The following SGCZ variants were observed in gnomAD, a reference collection of about 807,000 sequenced individuals.
The protein encoded by SGCZ is sarcoglycan zeta, also known as zeta-sarcoglycan.
Under a neutral mutation model 41.3 loss-of-function variants are expected in SGCZ, and 40 were observed. The ratio of observed to expected loss-of-function variants is 0.97; its 90% confidence interval spans 0.75 to 1.26. The LOEUF (loss-of-function observed/expected upper bound fraction) is 1.26, where lower values mean the gene tolerates loss of function less well. Among genes scored for constraint, SGCZ ranks in the 50% most tolerant of loss-of-function variants. The pLI is 0.00. For missense variants in SGCZ, 552 were observed against 369.8 expected, an observed-to-expected ratio of 1.49 and a Z score of -4.04; for synonymous variants, 206 against 137.5, an observed-to-expected ratio of 1.50 and a Z score of -3.49.
intron 2 of SGCZ, among the ~76,000 whole-genome samples, chr8:14,436,009 G>A (rs1427537857): frequency 2.0e-5 from 3 of 152,232 alleles, no homozygotes; most frequent in Admixed American, 6.5e-5. Flanking sequence ...CATAAAGGAA[G>A]TAGGATTACT....
intron 2 of SGCZ, among the ~76,000 whole-genome samples, chr8:14,375,916 T>C (rs956978815): frequency 6.6e-6 from 1 of 152,198 alleles, no homozygotes; most frequent in Non-Finnish European, 1.5e-5. Flanking sequence ...AATTATCATA[T>C]CAAAATGCTG....
At chr8:14,865,190 ACAC>A (rs1803885081) in intron 1 of SGCZ, among the ~76,000 whole-genome samples, 1 of 151,970 alleles carries the variant, frequency 6.6e-6, no homozygotes, top group African/African-American at 2.4e-5. Flanking sequence ...ACTCCCAGCT[ACAC>A]CACCACCACT....
At chr8:14,985,700 G>C (rs1233677481) in intron 1 of SGCZ, among the ~76,000 whole-genome samples, 1 of 152,196 alleles carries the variant, frequency 6.6e-6, no homozygotes, top group Non-Finnish European at 1.5e-5. Context: ...CATCACAGTA[G>C]TCCATTTAGG....
chr8:14,093,860 T>C (rs1801762372), intron 7 of SGCZ, among the ~76,000 whole-genome samples: 2 of 152,130 alleles, frequency 1.3e-5, no homozygotes, highest in South Asian at 4.1e-4. Flanking sequence ...TATACTTTTC[T>C]CTATAGTAAA....
intron 1 of SGCZ, among the ~76,000 whole-genome samples, chr8:14,759,390 C>A (rs186032191): frequency 6.6e-6 from 1 of 152,016 alleles, no homozygotes; most frequent in African/African-American, 2.4e-5. Flanking sequence ...TTTTCTCAAA[C>A]TTTAATTCTT....
intron 2 of SGCZ, among the ~76,000 whole-genome samples, chr8:14,413,165 T>A (rs79682707): frequency 0.013 from 1,994 of 152,072 alleles, 45 homozygotes; most frequent in African/African-American, 0.044. Context: ...TAGCGTGAGA[T>A]AGTAACACCA....
chr8:14,111,248 A>G (rs1802361908), intron 5 of SGCZ, among the ~76,000 whole-genome samples: 1 of 152,194 alleles, frequency 6.6e-6, no homozygotes, highest in Non-Finnish European at 1.5e-5. Context: ...TACAGGGGAT[A>G]TACTTATACT....
At chr8:14,156,236 G>A (rs1171636741) in intron 5 of SGCZ, among the ~76,000 whole-genome samples, 4 of 152,096 alleles carry the variant, frequency 2.6e-5, no homozygotes, top group Non-Finnish European at 2.9e-5. Context: ...TTGGGAGGCC[G>A]ATCACTAGGT....
At chr8:14,647,165 G>A (rs754645807) in intron 1 of SGCZ, among the ~76,000 whole-genome samples, 2 of 151,988 alleles carry the variant, frequency 1.3e-5, no homozygotes, top group Non-Finnish European at 2.9e-5. Context: ...AAGAGAAAAT[G>A]TTTTAGTACA....
Position 15,216,861 on chromosome 8 carries a change from T to C in SGCZ, c.39+20724A>G, listed in dbSNP as rs577002279. 2.0e-5 allele frequency among the ~76,000 whole-genome samples: 3 copies of C among 152,236 alleles called. No homozygotes were observed. In the East Asian group the frequency reaches 5.8e-4, roughly 30 times the overall value. On this transcript the variant is annotated intron_variant, in intron 1 of 7. Coordinates refer to ENST00000382080, the MANE Select transcript of SGCZ (RefSeq NM_139167.4). The stretch of plus-strand genomic sequence containing the variant: ...ACTCTTCACTTCTTGAGCTATTTCC[T>C]TTTATCCCAGGCCACAAAAGAGTTA...
intron 1 of SGCZ, among the ~76,000 whole-genome samples, chr8:14,893,847 G>T (rs2130747050): frequency 6.6e-6 from 1 of 152,182 alleles, no homozygotes; most frequent in East Asian, 1.9e-4. Context: ...AAGACATTAG[G>T]ATTTTTCTAA....
At chr8:14,099,424 A>T (rs1171393511) in intron 7 of SGCZ, among the ~76,000 whole-genome samples, 1 of 152,152 alleles carries the variant, frequency 6.6e-6, no homozygotes, top group Admixed American at 6.6e-5. Flanking sequence ...CCCGGGACTC[A>T]CAAAACAAAA....
At chr8:15,166,074 A>G (rs916289053) in intron 1 of SGCZ, among the ~76,000 whole-genome samples, 1 of 152,298 alleles carries the variant, frequency 6.6e-6, no homozygotes, top group East Asian at 1.9e-4. Context: ...CGAACATTTA[A>G]TAGCCTTCCC....
chr8:14,382,688 G>A (rs1585431550), intron 2 of SGCZ, among the ~76,000 whole-genome samples: 1 of 152,278 alleles, frequency 6.6e-6, no homozygotes, highest in East Asian at 1.9e-4. Flanking sequence ...AGAACATCAA[G>A]ATTAACAAAT....
intron 3 of SGCZ, among the ~76,000 whole-genome samples, chr8:14,305,265 C>T (rs973565120): frequency 6.6e-6 from 1 of 152,110 alleles, no homozygotes; most frequent in South Asian, 2.1e-4. Flanking sequence ...CAATGGTTAG[C>T]ATGACAGATG....
At chr8:14,766,724 G>C (rs1480660513) in intron 1 of SGCZ, among the ~76,000 whole-genome samples, 1 of 122,960 alleles carries the variant, frequency 8.1e-6, no homozygotes, top group East Asian at 2.4e-4. Context: ...ACCATGTCCA[G>C]CTATTTTTTT....
At chr8:14,408,966 T>TGTGTGTGTGTGTGCGTGTGC (rs1395616202) in intron 2 of SGCZ, among the ~76,000 whole-genome samples, 7 of 136,772 alleles carry the variant, frequency 5.1e-5, no homozygotes, top group Admixed American at 7.1e-5. Context: ...TGTGTGTGTG[T>TGTGTGTGTGTGTGCGTGTGC]GTGTGCATGT....
chr8:14,379,362 G>C (rs553493003), intron 2 of SGCZ, among the ~76,000 whole-genome samples: 3 of 152,074 alleles, frequency 2.0e-5, no homozygotes, highest in Non-Finnish European at 1.5e-5. Context: ...TATAATGATA[G>C]AGAAAACCCC....
intron 1 of SGCZ, among the ~76,000 whole-genome samples, chr8:14,825,685 C>G (rs913883931): frequency 6.6e-6 from 1 of 152,100 alleles, no homozygotes; most frequent in Non-Finnish European, 1.5e-5. Context: ...AACACTGAAC[C>G]CTTGAACAAC....
Sources: allele counts gnomAD v4.1 joint callset (sites outside exome capture counted in the v4.1 genomes callset), GRCh38; gene constraint gnomAD v4.1.1; transcripts MANE v1.5; gene names NCBI Gene and HGNC (gene_info 2026-07-23, HGNC 2026-07-21).